The following DSCAM variants were observed in gnomAD, a reference collection of about 807,000 sequenced individuals.
DSCAM encodes DS cell adhesion molecule.
A neutral mutation model predicts 217.7 loss-of-function variants in DSCAM; 47 were observed. The observed-to-expected ratio is 0.22, with a 90% CI of 0.17 to 0.28. The LOEUF is 0.28. Among genes scored for constraint, DSCAM ranks in the 10% least tolerant of loss-of-function variants. The pLI is 1.00. For missense variants in DSCAM, 2,080 were observed against 2,618.3 expected (o/e 0.79, Z 4.49); for synonymous variants, 1,056 against 1,015.3 (o/e 1.04, Z -0.76).
chr21:40,074,313 C>A (rs2089334225), intron 27 of DSCAM, among the ~76,000 whole-genome samples: 1 of 152,098 alleles, frequency 6.6e-6, no homozygotes, highest in South Asian at 2.1e-4. Flanking sequence ...TAGTTAAACA[C>A]CCTCACTGGT....
chr21:40,689,076 A>C (rs2146443151), intron 3 of DSCAM, among the ~76,000 whole-genome samples: 2 of 152,274 alleles, frequency 1.3e-5, no homozygotes, highest in South Asian at 4.2e-4. Context: ...CCTGACAAAC[A>C]CTGCATTTGT....
chr21:40,444,936 T>G (rs536698674), intron 3 of DSCAM, among the ~76,000 whole-genome samples: 12 of 152,334 alleles, frequency 7.9e-5, no homozygotes, highest in African/African-American at 2.9e-4. Flanking sequence ...GACCTACGCT[T>G]GCCCTACATT....
intron 3 of DSCAM, among the ~76,000 whole-genome samples, chr21:40,687,953 C>A (rs2090499612): frequency 6.6e-6 from 1 of 152,142 alleles, no homozygotes; most frequent in Non-Finnish European, 1.5e-5. Flanking sequence ...GCCAATGTTT[C>A]ATGTAAAGTG....
intron 3 of DSCAM, among the ~76,000 whole-genome samples, chr21:40,687,405 A>C (rs1024346320): frequency 2.0e-5 from 3 of 152,170 alleles, no homozygotes; most frequent in African/African-American, 7.2e-5. Flanking sequence ...ACAGCATAGC[A>C]GATGTCTGGA....
chr21:40,481,690 A>T lies in DSCAM; in HGVS notation c.509-112445T>A, dbSNP rs187363367. 2.0e-5 allele frequency among the ~76,000 whole-genome samples: 3 copies of T among 152,190 alleles called. No individual in the cohort carries two copies. In the South Asian group the frequency reaches 6.2e-4, roughly 32 times the overall value. Reference sequence around the variant, plus strand: ...GTGTGATTTTCTTCTTCTGATTTTTAAAGTTCATAATAAAGCCAGAACTAT... The same window carrying T: ...GTGTGATTTTCTTCTTCTGATTTTTTAAGTTCATAATAAAGCCAGAACTAT... On this transcript the variant is annotated intron_variant, in intron 3 of 32. Transcript: ENST00000400454.
intron 3 of DSCAM, among the ~76,000 whole-genome samples, chr21:40,532,418 A>G (rs1467302503): frequency 6.6e-6 from 1 of 152,208 alleles, no homozygotes; most frequent in African/African-American, 2.4e-5. Context: ...ATGAGCAGAC[A>G]ACATGAATGT....
Position 40,178,954 on chromosome 21 carries a change from C to T in DSCAM, c.2920G>A (p.Glu974Lys), listed in dbSNP as rs765431927. The T allele has an allele frequency of 2.5e-6, 4 of 1,613,834 alleles. No homozygotes were observed. The highest frequency in any genetic ancestry group is 3.4e-6 in the Non-Finnish European group (4 of 1,180,006). ...GCCTCGTCCGCCGTGATGGTGAGCTCGTTGCTGGGCTCGCTCTTGCCAATC... is the reference window on the plus strand; with the variant it reads ...GCCTCGTCCGCCGTGATGGTGAGCTTGTTGCTGGGCTCGCTCTTGCCAATC... ...NRIGKSEPSN[E>K]LTITADEAAP... Residue 974 changes from glutamate to lysine, a missense_variant, in exon 15 of 33, where the codon GAG (glutamate) becomes AAG (lysine). This residue lies in a region of DSCAM where 1,144 missense variants were observed against 1,421.1 expected (regional missense o/e 0.81). Coordinates refer to ENST00000400454, the MANE Select transcript of DSCAM (RefSeq NM_001389.5).
At position 40,518,587 on chromosome 21, in the gene DSCAM, TAC is replaced by T. The variant is rs528816464; in HGVS notation, c.509-149344_509-149343del. Among the ~76,000 whole-genome samples the T allele has an allele frequency of 5.0e-3, 442 of 89,030 alleles. 6 individuals carry two copies. The highest frequency in any genetic ancestry group is 0.023 in the African/African-American group (405 of 17,680). The allele number at this position is 89,030 out of a possible 152,430, so 58.4% of individuals were successfully genotyped here. Reference sequence around the variant, plus strand: ...ACACATATATACATACACACACATATACACACACACATATATACATACACACA... The same window carrying T: ...ACACATATATACATACACACACATATACACACACATATATACATACACACA... On this transcript the variant is annotated intron_variant, in intron 3 of 32. Coordinates refer to ENST00000400454, the MANE Select transcript of DSCAM (RefSeq NM_001389.5).
intron 30 of DSCAM, among the ~76,000 whole-genome samples, chr21:40,046,560 A>G (rs1019105393): frequency 1.3e-5 from 2 of 152,240 alleles, no homozygotes; most frequent in Non-Finnish European, 2.9e-5. Flanking sequence ...ATGATGGGGA[A>G]GAGGCTAAAT....
chr21:40,298,103 G>GTTTTTTTTT, intron 9 of DSCAM, among the ~76,000 whole-genome samples: 1 of 105,880 alleles, frequency 9.4e-6, no homozygotes, highest in African/African-American at 6.6e-5. Flanking sequence ...TTTTTTTTGA[G>GTTTTTTTTT]ATGGAGTCTT....
chr21:40,805,833 C>T (rs989636540), intron 1 of DSCAM, among the ~76,000 whole-genome samples: 1 of 151,966 alleles, frequency 6.6e-6, no homozygotes, highest in Admixed American at 6.6e-5. Flanking sequence ...CTCAGCCTCC[C>T]GAATAGCTGG....
chr21:40,258,664 G>C (rs1965936328), intron 11 of DSCAM, among the ~76,000 whole-genome samples: 1 of 152,218 alleles, frequency 6.6e-6, no homozygotes, highest in African/African-American at 2.4e-5. Flanking sequence ...TTAAATATCT[G>C]CCCTGGCATG....
intron 5 of DSCAM, among the ~76,000 whole-genome samples, chr21:40,350,149 A>C (rs971404822): frequency 4.6e-5 from 7 of 152,168 alleles, no homozygotes; most frequent in African/African-American, 1.7e-4. Flanking sequence ...AGATGGATTA[A>C]AGACTTAAAT....
intron 20 of DSCAM, among the ~76,000 whole-genome samples, chr21:40,101,783 TG>T (rs2089754702): frequency 6.7e-6 from 1 of 148,152 alleles, no homozygotes; most frequent in South Asian, 2.2e-4. Context: ...CTGTGGGAGG[TG>T]GTGGGGGGGG....
At chr21:40,084,130 A>G (rs559928791) in intron 23 of DSCAM, 124 bp from the exon 24 acceptor site, 2 of 681,718 alleles carry the variant, frequency 2.9e-6, no homozygotes, top group South Asian at 1.9e-5. Flanking sequence ...GTTTGCCAAA[A>G]TATACAATTC....
rs73221371 is a variant in DSCAM, at chr21:40,080,102, C to T, written c.4420+50G>A. The T allele has an allele frequency of 3.1e-3, 4,012 of 1,306,642 alleles. 360 individuals carry two copies. Among genetic ancestry groups the T allele is most frequent in the Non-Finnish European group, 2.7e-3 (2,614 of 958,090 alleles). 80.9% of individuals were successfully genotyped at this position (1,306,642 alleles called of 1,614,324 possible). On this transcript the variant is annotated intron_variant, in intron 25 of 32. Transcript: ENST00000400454. ...TCTTTTATGATTCCAATCTCCTCTT[C>T]TGGCCGGGAAAAGAAAGGATATTAA... is the stretch of plus-strand genomic sequence containing the variant.
chr21:40,186,860 C>A (rs867478002), intron 14 of DSCAM, among the ~76,000 whole-genome samples: 4 of 152,132 alleles, frequency 2.6e-5, no homozygotes, highest in African/African-American at 7.2e-5. Flanking sequence ...CACATGCCAA[C>A]AGGAAGCTGC....
intron 3 of DSCAM, among the ~76,000 whole-genome samples, chr21:40,589,001 A>G (rs1212938427): frequency 6.6e-6 from 1 of 152,252 alleles, no homozygotes. Flanking sequence ...TATGAAAAAA[A>G]GTAGACTGGG....
At chr21:40,788,196 G>C (rs2091610123) in intron 1 of DSCAM, among the ~76,000 whole-genome samples, 1 of 152,032 alleles carries the variant, frequency 6.6e-6, no homozygotes, top group African/African-American at 2.4e-5. Flanking sequence ...TATGACTCAA[G>C]TAGACCTACA....
Sources: allele counts gnomAD v4.1 joint callset (sites outside exome capture counted in the v4.1 genomes callset), GRCh38; gene constraint gnomAD v4.1.1; regional missense constraint gnomAD v4.1.1; transcripts MANE v1.5; gene names NCBI Gene and HGNC (gene_info 2026-07-23, HGNC 2026-07-21).